The following LHFPL6 variants were observed in gnomAD, a reference collection of about 807,000 sequenced individuals.
LHFPL6 encodes the protein LHFPL tetraspan subfamily member 6 protein.
LHFPL6 carries 9 observed loss-of-function variants against 20.6 expected under a neutral mutation model. That is an observed-to-expected ratio of 0.44 (90% confidence interval 0.26 to 0.76). The LOEUF is 0.76. Ranked by LOEUF, LHFPL6 falls within the 30% of genes least tolerant of loss-of-function variation. LHFPL6 has a pLI of 0.20. For missense variants in LHFPL6, 218 were observed against 253.5 expected (o/e 0.86, Z 0.95); for synonymous variants, 105 against 98.7 (o/e 1.06, Z -0.38).
At chr13:39,525,083 G>A (rs1870245322) in intron 2 of LHFPL6, among the ~76,000 whole-genome samples, 1 of 152,204 alleles carries the variant, frequency 6.6e-6, no homozygotes, top group Non-Finnish European at 1.5e-5. Flanking sequence ...GGCCACCTAT[G>A]ATAAATGCTC....
At chr13:39,482,166 G>A (rs996207630) in intron 2 of LHFPL6, among the ~76,000 whole-genome samples, 7 of 152,100 alleles carry the variant, frequency 4.6e-5, no homozygotes, top group South Asian at 2.1e-4. Flanking sequence ...AATAGCCACC[G>A]GGCACAGTGG....
intron 2 of LHFPL6, among the ~76,000 whole-genome samples, chr13:39,484,451 A>G (rs910203768): frequency 6.6e-6 from 1 of 152,168 alleles, no homozygotes; most frequent in Admixed American, 6.5e-5. Flanking sequence ...TTCAATAAAC[A>G]TGATCCTGAT....
rs1328832435 is a variant in LHFPL6 at position 39,455,593 on chromosome 13, C to A, written c.386-77067G>T. On this transcript the variant is annotated intron_variant, in intron 2 of 3. Transcript: ENST00000379589. ...CTTAGTGCAGCACCAATGACTCCTG[C>A]TCAGAAGCCTAAGGAAGAGAAATGC... 9.8e-5 allele frequency among the ~76,000 whole-genome samples: 15 copies of A among 152,318 alleles called. No individual in the cohort carries two copies. In the East Asian group the frequency reaches 2.9e-3, roughly 29 times the overall value.
chr13:39,507,150 C>T (rs748955511), intron 2 of LHFPL6, among the ~76,000 whole-genome samples: 2 of 152,126 alleles, frequency 1.3e-5, no homozygotes, highest in Non-Finnish European at 2.9e-5. Context: ...TAACATGATG[C>T]GTAATGTGTG....
intron 3 of LHFPL6, among the ~76,000 whole-genome samples, chr13:39,361,725 G>A (rs953435326): frequency 1.3e-5 from 2 of 152,186 alleles, no homozygotes; most frequent in African/African-American, 2.4e-5. Flanking sequence ...ACAAGGAAAT[G>A]AGTTCCATTT....
chr13:39,521,423 T>C (rs1427269019), intron 2 of LHFPL6, among the ~76,000 whole-genome samples: 1 of 152,240 alleles, frequency 6.6e-6, no homozygotes, highest in Non-Finnish European at 1.5e-5. Flanking sequence ...CATGTACATT[T>C]CATGTGCTGA....
At chr13:39,361,767 T>C (rs1052760416) in intron 3 of LHFPL6, among the ~76,000 whole-genome samples, 6 of 152,204 alleles carry the variant, frequency 3.9e-5, no homozygotes, top group Admixed American at 3.3e-4. Flanking sequence ...GTAAAATATA[T>C]CGGTATAAGG....
chr13:39,477,672 C>T (rs915055523), intron 2 of LHFPL6, among the ~76,000 whole-genome samples: 2 of 152,140 alleles, frequency 1.3e-5, no homozygotes, highest in Non-Finnish European at 2.9e-5. Context: ...TATCTCCTCC[C>T]TACATAAGGA....
chr13:39,551,221 C>T (rs1163860136), intron 2 of LHFPL6, among the ~76,000 whole-genome samples: 1 of 152,128 alleles, frequency 6.6e-6, no homozygotes, highest in African/African-American at 2.4e-5. Flanking sequence ...TGGAGGCTGG[C>T]AAGTCCAAGA....
At chr13:39,544,724 T>C (rs1370875654) in intron 2 of LHFPL6, among the ~76,000 whole-genome samples, 1 of 152,068 alleles carries the variant, frequency 6.6e-6, no homozygotes, top group Non-Finnish European at 1.5e-5. Context: ...CTGGTAAAAG[T>C]AGACATACTA....
intron 2 of LHFPL6, among the ~76,000 whole-genome samples, chr13:39,505,395 G>A (rs911064818): frequency 2.0e-5 from 3 of 151,982 alleles, no homozygotes; most frequent in Non-Finnish European, 4.4e-5. Context: ...AAGGAATTGC[G>A]CAAGACCCCA....
chr13:39,398,040 A>G (rs943897935), intron 2 of LHFPL6, among the ~76,000 whole-genome samples: 2 of 152,144 alleles, frequency 1.3e-5, no homozygotes, highest in Non-Finnish European at 2.9e-5. Flanking sequence ...TGTTCACCAC[A>G]CACATCTTTA....
intron 2 of LHFPL6, among the ~76,000 whole-genome samples, chr13:39,381,962 G>A (rs138089301): frequency 6.6e-6 from 1 of 152,134 alleles, no homozygotes; most frequent in African/African-American, 2.4e-5. Context: ...CGTTGTTGAA[G>A]TATGGATGCT....
intron 2 of LHFPL6, among the ~76,000 whole-genome samples, chr13:39,395,999 G>A (rs918696926): frequency 6.6e-6 from 1 of 152,202 alleles, no homozygotes; most frequent in Non-Finnish European, 1.5e-5. Context: ...CACAATTTGT[G>A]TGCCTTAAAG....
intron 2 of LHFPL6, among the ~76,000 whole-genome samples, chr13:39,560,656 A>AC (rs1286446403): frequency 2.0e-5 from 3 of 151,960 alleles, no homozygotes; most frequent in Non-Finnish European, 2.9e-5. Flanking sequence ...CTGGAACTAC[A>AC]GGTGCCCGCC....
rs118031292 is a variant in LHFPL6 at position 39,576,434 on chromosome 13, T to C, written c.385+24398A>G. On this transcript the variant is annotated intron_variant, in intron 2 of 3. Coordinates refer to ENST00000379589, the MANE Select transcript of LHFPL6 (RefSeq NM_005780.3). ...AGTATTAAATAGCTGTTCTCCCTAT[T>C]TCACTAGGAAGCAAAGAAGCAAAGC... Among the ~76,000 whole-genome samples, 656 of 152,276 alleles carry C rather than the reference T, an allele frequency of 4.3e-3. 1 individual carries two copies. The highest frequency in any genetic ancestry group is 8.0e-3 in the Non-Finnish European group (541 of 68,028).
intron 2 of LHFPL6, among the ~76,000 whole-genome samples, chr13:39,496,915 T>G (rs1460091600): frequency 6.6e-6 from 1 of 152,142 alleles, no homozygotes; most frequent in Non-Finnish European, 1.5e-5. Context: ...TGGCCACATC[T>G]CTGATGTGCA....
At chr13:39,494,940 A>G (rs1869049270) in intron 2 of LHFPL6, among the ~76,000 whole-genome samples, 1 of 152,210 alleles carries the variant, frequency 6.6e-6, no homozygotes, top group African/African-American at 2.4e-5. Context: ...GCAGCTGGAA[A>G]GTCATTTAAC....
At chr13:39,526,542 T>G (rs1870292505) in intron 2 of LHFPL6, among the ~76,000 whole-genome samples, 2 of 152,234 alleles carry the variant, frequency 1.3e-5, no homozygotes. Flanking sequence ...GATAATTCAC[T>G]GGACTTGCAA....
Sources: allele counts gnomAD v4.1 joint callset (sites outside exome capture counted in the v4.1 genomes callset), GRCh38; gene constraint gnomAD v4.1.1; transcripts MANE v1.5; gene names NCBI Gene and HGNC (gene_info 2026-07-23, HGNC 2026-07-21).